The following FRMD4A variants were observed in gnomAD, a reference collection of about 807,000 sequenced individuals.
FRMD4A encodes the protein FERM domain containing 4A.
FRMD4A carries 29 observed loss-of-function variants against 129.1 expected under a neutral mutation model. That is an observed-to-expected ratio of 0.22 (90% confidence interval 0.17 to 0.31). The LOEUF (loss-of-function observed/expected upper bound fraction) is 0.31. Among genes scored for constraint, FRMD4A ranks in the 10% least tolerant of loss-of-function variants. FRMD4A has a pLI of 1.00. For synonymous variants in FRMD4A, 634 were observed against 571.6 expected (o/e 1.11, Z -1.56); for missense variants, 1,272 against 1,375.8 (o/e 0.92, Z 1.19).
chr10:14,053,155 A>G (rs942608411), intron 2 of FRMD4A, among the ~76,000 whole-genome samples: 1 of 152,120 alleles, frequency 6.6e-6, no homozygotes, highest in Non-Finnish European at 1.5e-5. Context: ...CCACAAAAAC[A>G]CTGTGCAGTG....
At chr10:14,046,014 T>C (rs939153085) in intron 2 of FRMD4A, among the ~76,000 whole-genome samples, 2 of 150,746 alleles carry the variant, frequency 1.3e-5, no homozygotes, top group Non-Finnish European at 3.0e-5. Flanking sequence ...ATTCATATTA[T>C]ACATATTACA....
At position 13,776,196 on chromosome 10, in the gene FRMD4A, C is replaced by T. The variant is rs115875303; in HGVS notation, c.384+6726G>A. Among the ~76,000 whole-genome samples, 1,282 of 152,272 alleles carry T rather than the reference C, an allele frequency of 8.4e-3. 18 individuals are homozygous for T. Among genetic ancestry groups the T allele is most frequent in the African/African-American group, 0.029 (1,210 of 41,538 alleles). On this transcript the variant is annotated intron_variant, in intron 6 of 24. Coordinates refer to ENST00000357447, the MANE Select transcript of FRMD4A (RefSeq NM_018027.5). ...GGACTCTTGGACTCACTGCAACCTC[C>T]GCCTTTGGGGCTCAGGCAATCCTCC...
chr10:14,057,099 T>C lies in FRMD4A; in HGVS notation c.46-198187A>G, dbSNP rs1297739981. On this transcript the variant is annotated intron_variant, in intron 2 of 24. Coordinates refer to ENST00000357447, the MANE Select transcript of FRMD4A (RefSeq NM_018027.5). ...AAATGCTAGTCTTCTTCACTCAGGC[T>C]TAGGAATGAGGCCTCAAAGGGTTTT... Among the ~76,000 whole-genome samples, 5 of 152,188 alleles carry C rather than the reference T, an allele frequency of 3.3e-5. No homozygotes were observed. The East Asian group carries it at 9.6e-4, about 29-fold the overall frequency.
chr10:13,700,612 C>T (rs753432678), intron 14 of FRMD4A, among the ~76,000 whole-genome samples: 1 of 152,048 alleles, frequency 6.6e-6, no homozygotes, highest in Non-Finnish European at 1.5e-5. Flanking sequence ...TTGTGGGGGG[C>T]TGACAGGGGA....
rs560710745 is a variant in FRMD4A, at chr10:13,819,941, C to G, written c.112-9033G>C. Among the ~76,000 whole-genome samples, 542 of 152,314 alleles carry G rather than the reference C, an allele frequency of 3.6e-3. 3 individuals are homozygous for G. The highest frequency in any genetic ancestry group is 6.8e-3 in the Middle Eastern group (2 of 294). On this transcript the variant is annotated intron_variant, in intron 3 of 24. Transcript: ENST00000357447. ...GTTTCAACATGTTGGCCAGGCTGGT[C>G]TCGAACTCCTGAGCGCAAGGGATCC...
At chr10:13,808,101 C>T (rs1395582937) in intron 4 of FRMD4A, among the ~76,000 whole-genome samples, 1 of 152,146 alleles carries the variant, frequency 6.6e-6, no homozygotes, top group Non-Finnish European at 1.5e-5. Flanking sequence ...GCTCAGCCTA[C>T]TATTAGAAAT....
chr10:14,307,684 G>T (rs538677623), intron 2 of FRMD4A, among the ~76,000 whole-genome samples: 32 of 152,302 alleles, frequency 2.1e-4, no homozygotes, highest in African/African-American at 7.7e-4. Flanking sequence ...GGGGCTTTCA[G>T]AAATAAGGAG....
intron 15 of FRMD4A, among the ~76,000 whole-genome samples, chr10:13,686,453 C>T (rs1054836297): frequency 1.3e-5 from 2 of 152,140 alleles, no homozygotes; most frequent in Non-Finnish European, 2.9e-5. Flanking sequence ...TTAATAAACT[C>T]CTTAACAATG....
chr10:14,242,212 C>T (rs898529233), intron 2 of FRMD4A, among the ~76,000 whole-genome samples: 1 of 152,188 alleles, frequency 6.6e-6, no homozygotes, highest in Non-Finnish European at 1.5e-5. Context: ...TATTTATTAC[C>T]ATCAGGGATC....
intron 3 of FRMD4A, among the ~76,000 whole-genome samples, chr10:13,833,343 T>C (rs1471904560): frequency 6.6e-6 from 1 of 152,198 alleles, no homozygotes; most frequent in Admixed American, 6.5e-5. Flanking sequence ...TCAGATCTCA[T>C]GAGATTTACT....
At chr10:13,981,567 C>T (rs2095560939) in intron 2 of FRMD4A, among the ~76,000 whole-genome samples, 1 of 151,754 alleles carries the variant, frequency 6.6e-6, no homozygotes, top group Non-Finnish European at 1.5e-5. Flanking sequence ...GGTGAAACCC[C>T]GCCTCTACTA....
At chr10:13,831,690 T>C (rs2093792877) in intron 3 of FRMD4A, among the ~76,000 whole-genome samples, 1 of 152,212 alleles carries the variant, frequency 6.6e-6, no homozygotes, top group Non-Finnish European at 1.5e-5. Flanking sequence ...CACATAATTA[T>C]TACTTACTGC....
intron 2 of FRMD4A, chr10:13,890,560 T>C: frequency 1.0e-6 from 1 of 983,388 alleles, no homozygotes; most frequent in Non-Finnish European, 1.2e-6. Context: ...GAACAGGCTG[T>C]CACCACTGAC....
chr10:14,221,987 ACTT>A (rs1843277311), intron 2 of FRMD4A, among the ~76,000 whole-genome samples: 1 of 152,164 alleles, frequency 6.6e-6, no homozygotes, highest in African/African-American at 2.4e-5. Flanking sequence ...GTAGGTAATT[ACTT>A]CTTGTAGGTT....
intron 2 of FRMD4A, chr10:14,007,967 G>T: frequency 8.0e-7 from 1 of 1,256,702 alleles, no homozygotes; most frequent in Non-Finnish European, 1.0e-6. Context: ...TTCAGGAAAC[G>T]TGAGTAACAG....
intron 2 of FRMD4A, among the ~76,000 whole-genome samples, chr10:14,058,830 G>A (rs147638198): frequency 4.2e-4 from 64 of 152,236 alleles, no homozygotes; most frequent in African/African-American, 1.4e-3. Context: ...CTGCTAAATC[G>A]TAGCTCCAAA....
chr10:14,044,029 G>T (rs924508204), intron 2 of FRMD4A, among the ~76,000 whole-genome samples: 1 of 152,142 alleles, frequency 6.6e-6, no homozygotes, highest in African/African-American at 2.4e-5. Flanking sequence ...GGGTCCCACT[G>T]TGTTGCCCAG....
intron 2 of FRMD4A, among the ~76,000 whole-genome samples, chr10:14,184,125 CTTTTT>C (rs58858936): frequency 1.4e-4 from 9 of 64,636 alleles, no homozygotes; most frequent in African/African-American, 3.1e-4. Context: ...CTTTTCTTTT[CTTTTT>C]TTTTTTTTTT....
chr10:13,743,976 AG>A (rs1200920478), intron 9 of FRMD4A, among the ~76,000 whole-genome samples: 7 of 152,168 alleles, frequency 4.6e-5, no homozygotes, highest in Admixed American at 3.9e-4. Flanking sequence ...TGGAGGACAC[AG>A]GGTTACATGG....
Sources: allele counts gnomAD v4.1 joint callset (sites outside exome capture counted in the v4.1 genomes callset), GRCh38; gene constraint gnomAD v4.1.1; transcripts MANE v1.5; gene names NCBI Gene and HGNC (gene_info 2026-07-23, HGNC 2026-07-21).